The following RBFOX1 variants were observed in gnomAD, a reference collection of about 807,000 sequenced individuals.
RBFOX1 encodes RNA binding fox-1 homolog 1.
RBFOX1 carries 8 observed loss-of-function variants against 57.7 expected under a neutral mutation model. The ratio of observed to expected loss-of-function variants is 0.14; its 90% CI spans 0.08 to 0.25. The LOEUF (loss-of-function observed/expected upper bound fraction) is 0.25, where lower values mean the gene tolerates loss of function less well. Ranked by LOEUF, RBFOX1 falls within the 10% of genes least tolerant of loss-of-function variation. The pLI is 1.00. For missense variants in RBFOX1, 611 were observed against 548.5 expected (o/e 1.11, Z -1.14); for synonymous variants, 326 against 222.4 (o/e 1.47, Z -4.15).
chr16:6,917,208 A>G (rs958019977), intron 3 of RBFOX1, among the ~76,000 whole-genome samples: 1 of 152,174 alleles, frequency 6.6e-6, no homozygotes, highest in East Asian at 1.9e-4. Flanking sequence ...TGTATTTAAA[A>G]TAGAAAATCT....
At chr16:5,798,720 C>T (rs79303802) in intron 3 of RBFOX1, among the ~76,000 whole-genome samples, 4,725 of 152,280 alleles carry the variant, frequency 0.031, 250 homozygotes, top group African/African-American at 0.11. Context: ...CTACTCGTTC[C>T]ACTTTGTTCG....
intron 2 of RBFOX1, among the ~76,000 whole-genome samples, chr16:5,530,615 A>G (rs769470374): frequency 1.3e-5 from 2 of 152,186 alleles, no homozygotes; most frequent in Non-Finnish European, 2.9e-5. Context: ...TATTCTGTGC[A>G]TTGTGGAATG....
At chr16:5,459,444 C>T (rs983703904) in intron 1 of RBFOX1, among the ~76,000 whole-genome samples, 1 of 152,132 alleles carries the variant, frequency 6.6e-6, no homozygotes, top group Non-Finnish European at 1.5e-5. Context: ...GCTCTCAGGT[C>T]CCCAGATCCA....
chr16:5,921,853 C>T (rs554987376), intron 4 of RBFOX1, among the ~76,000 whole-genome samples: 24 of 151,924 alleles, frequency 1.6e-4, no homozygotes, highest in African/African-American at 5.3e-4. Flanking sequence ...GAGCCAGGCT[C>T]TTTTAACAAC....
intron 1 of RBFOX1, among the ~76,000 whole-genome samples, chr16:5,399,648 A>G (rs1339054297): frequency 6.6e-6 from 1 of 151,932 alleles, no homozygotes; most frequent in African/African-American, 2.4e-5. Context: ...AGGTGGGAGG[A>G]TTACCTGAGC....
At chr16:6,370,470 G>C (rs7184059) in intron 2 of RBFOX1, among the ~76,000 whole-genome samples, 60,681 of 149,990 alleles carry the variant, frequency 0.4, 12,641 homozygotes, top group South Asian at 0.6. Context: ...TGCAAGCTTA[G>C]TTGTTTCAGC....
intron 3 of RBFOX1, among the ~76,000 whole-genome samples, chr16:5,799,993 A>C (rs757692827): frequency 6.6e-6 from 1 of 152,106 alleles, no homozygotes; most frequent in Non-Finnish European, 1.5e-5. Flanking sequence ...GTCTCCCAAG[A>C]TATATTTGCA....
intron 2 of RBFOX1, among the ~76,000 whole-genome samples, chr16:6,479,553 A>C (rs1359583339): frequency 6.6e-6 from 1 of 151,420 alleles, no homozygotes; most frequent in South Asian, 2.1e-4. Context: ...ATGCCACTGT[A>C]CTCTACCCTG....
intron 4 of RBFOX1, among the ~76,000 whole-genome samples, chr16:5,960,039 A>G (rs2059718213): frequency 6.6e-6 from 1 of 152,126 alleles, no homozygotes; most frequent in Non-Finnish European, 1.5e-5. Flanking sequence ...CGTCTCTACT[A>G]TAAATAAAAA....
At chr16:6,632,887 G>C (rs901543973) in intron 2 of RBFOX1, among the ~76,000 whole-genome samples, 1 of 152,174 alleles carries the variant, frequency 6.6e-6, no homozygotes, top group African/African-American at 2.4e-5. Flanking sequence ...GACCATTTGA[G>C]CTCTCAGACA....
At chr16:6,675,016 G>C (rs954629553) in intron 3 of RBFOX1, among the ~76,000 whole-genome samples, 1 of 151,820 alleles carries the variant, frequency 6.6e-6, no homozygotes, top group African/African-American at 2.4e-5. Context: ...AGCCATTCTC[G>C]TGCCTCAGCC....
chr16:7,529,716 A>C (rs767097809), intron 5 of RBFOX1, among the ~76,000 whole-genome samples: 1 of 152,096 alleles, frequency 6.6e-6, no homozygotes, highest in African/African-American at 2.4e-5. Context: ...GAAACTCAAG[A>C]GGTGAATTTA....
At chr16:6,491,956 C>G (rs1260551464) in intron 2 of RBFOX1, among the ~76,000 whole-genome samples, 1 of 152,018 alleles carries the variant, frequency 6.6e-6, no homozygotes, top group Admixed American at 6.6e-5. Context: ...ATCATCTTGG[C>G]AAATTATGCA....
intron 3 of RBFOX1, among the ~76,000 whole-genome samples, chr16:5,843,396 C>T (rs1004504516): frequency 6.6e-6 from 1 of 152,192 alleles, no homozygotes; most frequent in African/African-American, 2.4e-5. Context: ...ATTTGGTTTT[C>T]TGTTCCAGCA....
At chr16:6,954,311 T>C (rs1410885005) in intron 3 of RBFOX1, among the ~76,000 whole-genome samples, 1 of 152,120 alleles carries the variant, frequency 6.6e-6, no homozygotes, top group Admixed American at 6.5e-5. Flanking sequence ...CTTGCTTATT[T>C]ATGGCGTTTT....
chr16:6,537,208 G>C (rs756064494), intron 2 of RBFOX1, among the ~76,000 whole-genome samples: 2 of 151,964 alleles, frequency 1.3e-5, no homozygotes, highest in African/African-American at 2.4e-5. Flanking sequence ...CCTGAGATTC[G>C]GCACTTCTAA....
chr16:7,497,633 A>C (rs912369881), intron 4 of RBFOX1, among the ~76,000 whole-genome samples: 2 of 152,236 alleles, frequency 1.3e-5, no homozygotes, highest in African/African-American at 4.8e-5. Flanking sequence ...CACAGTGGAT[A>C]AAGGTACCTC....
chr16:6,098,038 A>G (rs2096265506), intron 1 of RBFOX1, among the ~76,000 whole-genome samples: 2 of 152,184 alleles, frequency 1.3e-5, no homozygotes, highest in Non-Finnish European at 2.9e-5. Context: ...CACTTGGCAT[A>G]GCAAGGGGTT....
At chr16:6,910,234 T>A (rs1244429316) in intron 3 of RBFOX1, among the ~76,000 whole-genome samples, 1 of 152,072 alleles carries the variant, frequency 6.6e-6, no homozygotes, top group East Asian at 1.9e-4. Flanking sequence ...ATGAGATGAT[T>A]ACTTCACATT....
Sources: gnomAD v4.1 joint callset for allele counts (sites outside exome capture counted in the v4.1 genomes callset) on GRCh38, gnomAD v4.1.1 for gene constraint, MANE v1.5 for transcripts, NCBI Gene and HGNC (gene_info 2026-07-23, HGNC 2026-07-21) for gene names.